Variants in C3orf49 observed in about 807,000 individuals in gnomAD.
C3orf49 encodes putative uncharacterized protein C3orf49.
Under a neutral mutation model 13.3 loss-of-function variants are expected in C3orf49, and 27 were observed. That is an observed-to-expected ratio of 2.02 (90% CI 1.49 to 2.79). C3orf49 has a LOEUF of 2.79. Ranked by LOEUF, C3orf49 falls within the 30% of genes most tolerant of loss-of-function variation. C3orf49 has a pLI of 0.00. For synonymous variants in C3orf49, 87 were observed against 47.6 expected (o/e 1.83, Z -3.40); for missense variants, 242 against 134.2 (o/e 1.80, Z -3.97).
the C3orf49 span, among the ~76,000 whole-genome samples, chr3:63,811,270 C>G: frequency 6.6e-6 from 1 of 152,092 alleles, no homozygotes; most frequent in South Asian, 2.1e-4. Context: ...AAAATAGAGC[C>G]AGGCACGGCC....
chr3:63,818,467 TAGG>T (rs1559597345), upstream of C3orf49, among the ~76,000 whole-genome samples: 1 of 152,178 alleles, frequency 6.6e-6, no homozygotes, highest in South Asian at 2.1e-4. Flanking sequence ...GCGGGTTTGT[TAGG>T]AGTGCAAATT....
At chr3:63,825,609 A>G (rs1210752408) in intron 2 of C3orf49, among the ~76,000 whole-genome samples, 1 of 152,236 alleles carries the variant, frequency 6.6e-6, no homozygotes, top group Non-Finnish European at 1.5e-5. Flanking sequence ...TCCAGAAAAC[A>G]TGCTCATCCT....
At chr3:63,842,020 T>C (rs936661372) in intron 5 of C3orf49, among the ~76,000 whole-genome samples, 12 of 152,096 alleles carry the variant, frequency 7.9e-5, no homozygotes, top group African/African-American at 2.7e-4. Context: ...GAAAACAACA[T>C]CTAAGGCAAC....
At chr3:63,824,324 G>A (rs895478954) in intron 2 of C3orf49, among the ~76,000 whole-genome samples, 1 of 152,054 alleles carries the variant, frequency 6.6e-6, no homozygotes, top group African/African-American at 2.4e-5. Flanking sequence ...ACAGTGGAGG[G>A]GGTAGTGAGA....
At position 63,831,212 on chromosome 3, in the gene C3orf49, C is replaced by G. The variant is rs1258577457; in HGVS notation, c.673C>G (p.Leu225Val). 1.1e-5 allele frequency: 8 copies of G among 702,416 alleles called. No homozygotes were observed. The highest frequency in any genetic ancestry group is 1.7e-5 in the African/African-American group (1 of 57,188). 43.5% of individuals were successfully genotyped at this position (702,416 alleles called of 1,614,324 possible). A position where few individuals can be genotyped will look rare whatever the true frequency, so the allele number is the denominator to read the frequency against. ...AAAATCAGATTTGACAGTAGGAAAG[C>G]TTCAAATGCAGGTAGTGGACAAAGG... ...LRKSDLTVGKLQMQVDDLIET... is the reference protein window; with the variant it reads ...LRKSDLTVGKVQMQVDDLIET... The change falls in exon 4 of 7, where the codon CTT (leucine) becomes GTT (valine). Residue 225 changes from leucine (L) to valine (V), a missense_variant. By Grantham distance (32) the Leu-to-Val change is conservative. Coordinates refer to ENST00000295896, the MANE Select transcript of C3orf49 (RefSeq NM_001355236.2).
chr3:63,833,789 C>G, intron 5 of C3orf49: 1 of 189,862 alleles, frequency 5.3e-6, no homozygotes, highest in Non-Finnish European at 1.1e-5. Flanking sequence ...ATGCCAACTT[C>G]TAACAATTTT....
At chr3:63,840,366 AGTATC>A (rs1343195675) in intron 5 of C3orf49, among the ~76,000 whole-genome samples, 2 of 152,042 alleles carry the variant, frequency 1.3e-5, no homozygotes, top group African/African-American at 4.8e-5. Flanking sequence ...TGGCTAAGGG[AGTATC>A]ACTTGAGCCC....
chr3:63,835,494 A>C (rs1381131674), intron 5 of C3orf49: 1 of 985,660 alleles, frequency 1.0e-6, no homozygotes, highest in Non-Finnish European at 1.5e-6. Context: ...AAATAAAAAA[A>C]GGGCTTATAA....
At chr3:63,844,685 C>G (rs1365362941) in intron 5 of C3orf49, among the ~76,000 whole-genome samples, 1 of 152,052 alleles carries the variant, frequency 6.6e-6, no homozygotes, top group African/African-American at 2.4e-5. Flanking sequence ...GAGTTCAGCT[C>G]CATTTCTTTT....
the C3orf49 span, among the ~76,000 whole-genome samples, chr3:63,802,359 T>C: frequency 6.6e-6 from 1 of 152,178 alleles, no homozygotes; most frequent in African/African-American, 2.4e-5. Context: ...AGGAAAGAAG[T>C]TCAGAAAAGG....
the C3orf49 span, chr3:63,782,570 G>C: frequency 9.8e-5 from 15 of 152,290 alleles, 1 homozygote; most frequent in South Asian, 2.9e-3. Flanking sequence ...AGACAGTTGA[G>C]ATTGTACAGA....
the C3orf49 span, among the ~76,000 whole-genome samples, chr3:63,789,549 G>A: frequency 2.0e-5 from 3 of 152,122 alleles, no homozygotes; most frequent in African/African-American, 7.2e-5. Flanking sequence ...AGTAGCTCAC[G>A]CCTGTAATCC....
At chr3:63,798,434 C>T in the C3orf49 span, among the ~76,000 whole-genome samples, 1 of 152,056 alleles carries the variant, frequency 6.6e-6, no homozygotes, top group Non-Finnish European at 1.5e-5. Flanking sequence ...TATAATACTT[C>T]TTTAGCAATA....
chr3:63,829,745 G>A (rs1470157013), intron 3 of C3orf49, among the ~76,000 whole-genome samples: 1 of 152,026 alleles, frequency 6.6e-6, no homozygotes, highest in Non-Finnish European at 1.5e-5. Flanking sequence ...AGGATCTCTT[G>A]AGCTCAGGAG....
At chr3:63,795,987 C>T in the C3orf49 span, among the ~76,000 whole-genome samples, 3 of 152,028 alleles carry the variant, frequency 2.0e-5, no homozygotes, top group Non-Finnish European at 4.4e-5. Flanking sequence ...CTTTGAAGTA[C>T]ACAAATATAA....
the C3orf49 span, among the ~76,000 whole-genome samples, chr3:63,795,697 T>C: frequency 2.0e-5 from 3 of 152,142 alleles, no homozygotes; most frequent in Admixed American, 6.5e-5. Context: ...AGGCCCCATG[T>C]CTTTGATGAA....
chr3:63,847,259 A>G (rs192373721), intron 6 of C3orf49, among the ~76,000 whole-genome samples: 251 of 152,340 alleles, frequency 1.6e-3, no homozygotes, highest in Middle Eastern at 0.014. Context: ...ATTTTGGTTG[A>G]AAAATAACCA....
At chr3:63,796,060 T>C in the C3orf49 span, among the ~76,000 whole-genome samples, 75 of 152,300 alleles carry the variant, frequency 4.9e-4, no homozygotes, top group African/African-American at 1.3e-3. Flanking sequence ...CAGTAAAATA[T>C]TAATAATAGA....
At chr3:63,807,596 C>T in the C3orf49 span, among the ~76,000 whole-genome samples, 1 of 151,952 alleles carries the variant, frequency 6.6e-6, no homozygotes, top group African/African-American at 2.4e-5. Flanking sequence ...TGGCTCATAC[C>T]TGTAATCCCA....
Sources: allele counts gnomAD v4.1 joint callset (sites outside exome capture counted in the v4.1 genomes callset), GRCh38; gene constraint gnomAD v4.1.1; transcripts MANE v1.5; gene names NCBI Gene and HGNC (gene_info 2026-07-23, HGNC 2026-07-21).